The following CDC20B variants were observed in gnomAD, a reference collection of about 807,000 sequenced individuals.
CDC20B encodes the protein cell division cycle 20B.
In CDC20B, 58 loss-of-function variants were observed where a neutral mutation model predicts 64.1. The ratio of observed to expected loss-of-function variants is 0.90; its 90% CI spans 0.73 to 1.13. The LOEUF (loss-of-function observed/expected upper bound fraction) is 1.13. Ranked by LOEUF, CDC20B falls within the 50% of genes most tolerant of loss-of-function variation. CDC20B has a pLI of 0.00. For missense variants in CDC20B, 597 were observed against 633.0 expected, an observed-to-expected ratio of 0.94 and a Z score of 0.61; for synonymous variants, 243 against 230.6, an observed-to-expected ratio of 1.05 and a Z score of -0.49.
intron 6 of CDC20B, among the ~76,000 whole-genome samples, 183 bp downstream of exon 6, chr5:55,133,229 A>C (rs538753723): frequency 1.3e-5 from 2 of 152,358 alleles, no homozygotes; most frequent in Admixed American, 1.3e-4. Context: ...CATTAACAAT[A>C]CCATCCCTAA....
chr5:55,128,989 G>A (rs1012081931), intron 6 of CDC20B, among the ~76,000 whole-genome samples: 1 of 152,106 alleles, frequency 6.6e-6, no homozygotes, highest in African/African-American at 2.4e-5. Flanking sequence ...ATATCTATAT[G>A]GGAGATGCCA....
intron 9 of CDC20B, among the ~76,000 whole-genome samples, chr5:55,122,543 A>G (rs2111806311): frequency 6.6e-6 from 1 of 152,320 alleles, no homozygotes; most frequent in Middle Eastern, 3.4e-3. Context: ...CCCTCCATCA[A>G]TAGGTACAAT....
chr5:55,169,529 A>G (rs1157828240), intron 2 of CDC20B, among the ~76,000 whole-genome samples: 1 of 152,226 alleles, frequency 6.6e-6, no homozygotes, highest in Non-Finnish European at 1.5e-5. Flanking sequence ...ATTTAAGGTC[A>G]TATTGTATGG....
In CDC20B at chr5:55,141,318, A is replaced by C. The variant is rs561142598; in HGVS notation, c.487-911T>G. ...CACTTTCTTTCTCTGGGCACGAGCA[A>C]GCCAAGCTGTGTCCTGGCTCCCCTC... On this transcript the variant is annotated intron_variant, in intron 4 of 11. Coordinates refer to ENST00000381375, the MANE Select transcript of CDC20B (RefSeq NM_001170402.1). 5.3e-5 allele frequency among the ~76,000 whole-genome samples: 8 copies of C among 152,332 alleles called. No homozygotes were observed. The South Asian group carries it at 1.7e-3, about 32-fold the overall frequency.
intron 3 of CDC20B, among the ~76,000 whole-genome samples, chr5:55,144,144 T>C (rs1348279699): frequency 6.6e-6 from 1 of 152,238 alleles, no homozygotes; most frequent in Non-Finnish European, 1.5e-5. Flanking sequence ...TTTGCCAGCA[T>C]TGACATTCAC....
chr5:55,134,899 C>T (rs1388937338), intron 5 of CDC20B, among the ~76,000 whole-genome samples: 4 of 152,144 alleles, frequency 2.6e-5, no homozygotes, highest in African/African-American at 4.8e-5. Flanking sequence ...AGGGGAGAGA[C>T]GGATGAACAG....
chr5:55,129,430 G>A (rs2111830058), intron 6 of CDC20B, among the ~76,000 whole-genome samples: 1 of 152,234 alleles, frequency 6.6e-6, no homozygotes, highest in South Asian at 2.1e-4. Flanking sequence ...TTGCCCTGAG[G>A]ACAGGCCCCA....
Position 55,132,579 on chromosome 5 carries a change from C to T in CDC20B, c.697+833G>A, listed in dbSNP as rs567144430. 1.6e-4 allele frequency among the ~76,000 whole-genome samples: 25 copies of T among 152,306 alleles called. No homozygotes were observed. In the South Asian group the frequency reaches 1.7e-3, roughly 10 times the overall value. Reference sequence around the variant, plus strand: ...TTGGAATAATCATGAATTCATTTCTCATCCCATTTCTTTTCTTCATGGAGG... The same window carrying T: ...TTGGAATAATCATGAATTCATTTCTTATCCCATTTCTTTTCTTCATGGAGG... On this transcript the variant is annotated intron_variant, in intron 6 of 11. Coordinates refer to ENST00000381375, the MANE Select transcript of CDC20B (RefSeq NM_001170402.1).
intron 9 of CDC20B, among the ~76,000 whole-genome samples, chr5:55,121,284 G>A (rs576182607): frequency 1.6e-4 from 24 of 151,992 alleles, no homozygotes; most frequent in Admixed American, 1.5e-3. Context: ...AGCAAACATC[G>A]TGTTTATACT....
At position 55,124,869 on chromosome 5, in the gene CDC20B, G is replaced by C; in HGVS notation, c.1149C>G (p.Pro383=). 1 of 1,614,138 alleles carries C rather than the reference G, an allele frequency of 6.2e-7. No individual in the cohort carries two copies. ...CCTGTGCACTGGCACCTGGATCGTG[G>C]GGCCATATTGTCAGCAGTCCATCAC... ...GCSDGLLTIW[P]HDPGASAQGQ... is the part of the protein sequence containing the mutation. Residue 383 remains proline (P), a synonymous_variant, in exon 9 of 12, where the codon CCC becomes CCG. Transcript: ENST00000381375.
chr5:55,142,090 G>A lies in CDC20B; in HGVS notation c.486+1423C>T, dbSNP rs554903787. 1.7e-4 allele frequency among the ~76,000 whole-genome samples: 26 copies of A among 152,254 alleles called. No individual in the cohort carries two copies. The East Asian group carries it at 1.7e-3, about 10-fold the overall frequency. On this transcript the variant is annotated intron_variant, in intron 4 of 11. Coordinates refer to ENST00000381375, the MANE Select transcript of CDC20B (RefSeq NM_001170402.1). ...CTGATCACAGCAAGGTTTAGCAGGC[G>A]CTTCTGTTCTGTGGGTGCAGGGGTG...
intron 11 of CDC20B, among the ~76,000 whole-genome samples, chr5:55,118,617 C>T (rs1231517280): frequency 1.3e-5 from 2 of 152,180 alleles, no homozygotes; most frequent in Non-Finnish European, 2.9e-5. Context: ...CAATACTTCT[C>T]TAATCTGAAA....
At chr5:55,144,342 C>T (rs1227715827) in intron 3 of CDC20B, among the ~76,000 whole-genome samples, 1 of 152,206 alleles carries the variant, frequency 6.6e-6, no homozygotes, top group Non-Finnish European at 1.5e-5. Flanking sequence ...CTTTACCAGA[C>T]TTTCAACTGC....
intron 2 of CDC20B, among the ~76,000 whole-genome samples, chr5:55,159,281 T>G (rs1014785658): frequency 3.3e-5 from 5 of 152,328 alleles, no homozygotes; most frequent in Non-Finnish European, 1.5e-5. Flanking sequence ...CCTCCCAAAG[T>G]GCTGGGATTA....
chr5:55,143,133 G>A (rs560850121), intron 4 of CDC20B, among the ~76,000 whole-genome samples: 1 of 152,216 alleles, frequency 6.6e-6, no homozygotes, highest in East Asian at 1.9e-4. Flanking sequence ...TTTCCTAAGA[G>A]ACCCCAAAGG....
At chr5:55,147,464 GTTTATA>G (rs1469402651) in intron 2 of CDC20B, among the ~76,000 whole-genome samples, 1 of 144,102 alleles carries the variant, frequency 6.9e-6, no homozygotes, top group Non-Finnish European at 1.5e-5. Context: ...TATATTTTAT[GTTTATA>G]TTTATAAAAC....
intron 2 of CDC20B, chr5:55,161,355 G>A: frequency 1.7e-6 from 2 of 1,173,194 alleles, no homozygotes; most frequent in Non-Finnish European, 2.4e-6. Flanking sequence ...CGTTGTATCG[G>A]GAAAGCTTCA....
At chr5:55,161,329 C>A in intron 2 of CDC20B, 1 of 1,356,702 alleles carries the variant, frequency 7.4e-7, no homozygotes, top group South Asian at 1.4e-5. Flanking sequence ...ACAATACTTT[C>A]CTATTTCATT....
At chr5:55,133,885 T>G (rs1333116542) in intron 5 of CDC20B, among the ~76,000 whole-genome samples, 2 of 152,160 alleles carry the variant, frequency 1.3e-5, no homozygotes, top group Non-Finnish European at 2.9e-5. Context: ...ATTTTGCTTT[T>G]CCACACCAAG....
Sources: gnomAD v4.1 joint callset for allele counts (sites outside exome capture counted in the v4.1 genomes callset) on GRCh38, gnomAD v4.1.1 for gene constraint, MANE v1.5 for transcripts, NCBI Gene and HGNC (gene_info 2026-07-23, HGNC 2026-07-21) for gene names.